FBN2: variants seen among roughly 807,000 people sequenced by gnomAD.
FBN2 encodes fibrillin 2.
A neutral mutation model predicts 355.6 loss-of-function variants in FBN2; 105 were observed. The ratio of observed to expected loss-of-function variants is 0.30; its 90% CI spans 0.25 to 0.35. The LOEUF (loss-of-function observed/expected upper bound fraction) is 0.35, where lower values mean the gene tolerates loss of function less well. Among genes scored for constraint, FBN2 ranks in the 10% least tolerant of loss-of-function variants. The pLI is 1.00. For missense variants in FBN2, 3,280 were observed against 3,758.7 expected, an observed-to-expected ratio of 0.87 and a Z score of 3.33; for synonymous variants, 1,350 against 1,301.2, an observed-to-expected ratio of 1.04 and a Z score of -0.81.
At chr5:128,394,061 G>A (rs1283962667) in intron 9 of FBN2, among the ~76,000 whole-genome samples, 1 of 151,964 alleles carries the variant, frequency 6.6e-6, no homozygotes, top group Non-Finnish European at 1.5e-5. Flanking sequence ...CATTAATTCT[G>A]CCCCTTTTTG....
intron 8 of FBN2, 35 bp downstream of exon 8, chr5:128,408,639 C>T: frequency 1.9e-6 from 3 of 1,613,338 alleles, no homozygotes; most frequent in Non-Finnish European, 2.5e-6. Context: ...ATTATAAAGA[C>T]CCAGTGTATT....
chr5:128,339,141 A>G (rs1750924449), intron 25 of FBN2, 80 bp from the exon 26 acceptor site: 1 of 1,467,716 alleles, frequency 6.8e-7, no homozygotes, highest in East Asian at 2.3e-5. Context: ...TGCATGCTTG[A>G]AAAGTTGGGG....
At chr5:128,442,816 T>C (rs1020615253) in intron 7 of FBN2, among the ~76,000 whole-genome samples, 1 of 152,126 alleles carries the variant, frequency 6.6e-6, no homozygotes, top group Non-Finnish European at 1.5e-5. Flanking sequence ...TATGTATTTC[T>C]TTCTGCTTTG....
At chr5:128,446,447 A>C in intron 7 of FBN2, 34 bp downstream of exon 7, 1 of 1,610,932 alleles carries the variant, frequency 6.2e-7, no homozygotes, top group Non-Finnish European at 8.5e-7. Flanking sequence ...TTAAAGTCAC[A>C]ATTAGGCATG....
At chr5:128,333,242 A>C (rs1006750352) in intron 31 of FBN2, among the ~76,000 whole-genome samples, 1 of 152,190 alleles carries the variant, frequency 6.6e-6, no homozygotes, top group African/African-American at 2.4e-5. Context: ...TCTTCCCTAG[A>C]AACAACTGTC....
At chr5:128,266,193 C>T (rs1204398754) in intron 62 of FBN2, among the ~76,000 whole-genome samples, 1 of 152,156 alleles carries the variant, frequency 6.6e-6, no homozygotes, top group African/African-American at 2.4e-5. Flanking sequence ...TTATTAGAGA[C>T]AAGCTGGATT....
intron 20 of FBN2, among the ~76,000 whole-genome samples, chr5:128,352,575 C>A (rs1751396861): frequency 6.6e-6 from 1 of 152,172 alleles, no homozygotes; most frequent in Admixed American, 6.5e-5. Flanking sequence ...GCTGATATAG[C>A]AAATACTAAT....
intron 7 of FBN2, among the ~76,000 whole-genome samples, chr5:128,438,425 G>T (rs1460301409): frequency 6.6e-6 from 1 of 152,160 alleles, no homozygotes; most frequent in Non-Finnish European, 1.5e-5. Flanking sequence ...ATTTTAATGA[G>T]ATTTTTCTCT....
Position 128,357,329 on chromosome 5 carries a change from T to C in FBN2, c.2621A>G (p.Asn874Ser), listed in dbSNP as rs1413257868. 8.7e-6 allele frequency: 14 copies of C among 1,613,890 alleles called. No homozygotes were observed. Among genetic ancestry groups the C allele is most frequent in the South Asian group, 1.1e-5 (1 of 91,086 alleles). ...TTTGCTGCCGGGCGAACATTCACAATTGAAAGATCCAAGGTTGTTTCTGCA... is the reference window on the plus strand; with the variant it reads ...TTTGCTGCCGGGCGAACATTCACAACTGAAAGATCCAAGGTTGTTTCTGCA... The part of the protein sequence containing the change: ...GACRNNLGSF[N>S]CECSPGSKLS... Residue 874 changes from asparagine to serine, a missense_variant, in exon 20 of 65, where the codon AAT (asparagine) becomes AGT (serine). Transcript: ENST00000262464.
At chr5:128,365,466 T>C in intron 17 of FBN2, 1 of 152,114 alleles carries the variant, frequency 6.6e-6, no homozygotes. Context: ...GCTATTGTTT[T>C]CAATAATTTG....
At position 128,259,408 on chromosome 5, in the gene FBN2, A is replaced by T; in HGVS notation, c.*47T>A. 3.1e-6 allele frequency: 5 copies of T among 1,608,846 alleles called. No individual in the cohort carries two copies. The highest frequency in any genetic ancestry group is 4.2e-6 in the Non-Finnish European group (5 of 1,176,934). On this transcript the variant is annotated 3_prime_UTR_variant, in exon 65 of 65. Coordinates refer to ENST00000262464, the MANE Select transcript of FBN2 (RefSeq NM_001999.4). ...TCCTTGACTTTTCAAATGCTTCTGC[A>T]GACTGGCTGTGCTAGGATTTGAGCC...
At chr5:128,293,802 G>C (rs1561752953) in intron 48 of FBN2, among the ~76,000 whole-genome samples, 3 of 151,858 alleles carry the variant, frequency 2.0e-5, no homozygotes, top group African/African-American at 7.3e-5. Context: ...GAAAATGGAA[G>C]AACAACAGGA....
intron 8 of FBN2, among the ~76,000 whole-genome samples, chr5:128,397,526 G>A (rs939765103): frequency 1.3e-5 from 2 of 152,108 alleles, no homozygotes. Context: ...ATTTTCAACC[G>A]TATTTAACTC....
intron 8 of FBN2, among the ~76,000 whole-genome samples, chr5:128,400,482 G>A (rs896491617): frequency 2.6e-5 from 4 of 152,014 alleles, no homozygotes; most frequent in Non-Finnish European, 5.9e-5. Context: ...AAATTCTGTA[G>A]GTACAAAGAA....
intron 5 of FBN2, among the ~76,000 whole-genome samples, chr5:128,494,423 A>T (rs149511817): frequency 7.1e-4 from 108 of 152,332 alleles, no homozygotes; most frequent in African/African-American, 2.5e-3. Flanking sequence ...AGAAAGAGAC[A>T]GCTAAGAAGT....
intron 31 of FBN2, among the ~76,000 whole-genome samples, chr5:128,333,679 T>C (rs200677926): frequency 6.6e-6 from 1 of 151,712 alleles, no homozygotes; most frequent in African/African-American, 2.4e-5. Context: ...TGTGTGTGTG[T>C]GCGTGTGTGT....
At position 128,427,397 on chromosome 5, in the gene FBN2, G is replaced by A. The variant is rs192614958; in HGVS notation, c.953-18598C>T. 3.3e-5 allele frequency among the ~76,000 whole-genome samples: 5 copies of A among 152,182 alleles called. No individual in the cohort carries two copies. In the East Asian group the frequency reaches 9.7e-4, roughly 29 times the overall value. ...TATAGCACCTTACCATTATATCCCT[G>A]AGTTGTTTTTCAGAAACCCTGACCC... is the stretch of plus-strand genomic sequence containing the variant. On this transcript the variant is annotated intron_variant, in intron 7 of 64. Coordinates refer to ENST00000262464, the MANE Select transcript of FBN2 (RefSeq NM_001999.4).
At chr5:128,505,434 C>G (rs1755929484) in intron 5 of FBN2, among the ~76,000 whole-genome samples, 1 of 152,082 alleles carries the variant, frequency 6.6e-6, no homozygotes, top group African/African-American at 2.4e-5. Flanking sequence ...AAAGGAGAAA[C>G]AATTACTTTC....
chr5:128,279,552 T>C (rs1765481398), intron 56 of FBN2, among the ~76,000 whole-genome samples: 1 of 152,076 alleles, frequency 6.6e-6, no homozygotes, highest in Non-Finnish European at 1.5e-5. Flanking sequence ...ATGACGTCAT[T>C]CAGAAAAAAA....
Sources: gnomAD v4.1 joint callset for allele counts (sites outside exome capture counted in the v4.1 genomes callset) on GRCh38, gnomAD v4.1.1 for gene constraint, MANE v1.5 for transcripts, NCBI Gene and HGNC (gene_info 2026-07-23, HGNC 2026-07-21) for gene names.